Variants in PTPRD observed in about 807,000 individuals in gnomAD.
PTPRD encodes the protein receptor-type tyrosine-protein phosphatase delta.
In PTPRD, 34 loss-of-function variants were observed where a neutral mutation model predicts 214.5. The ratio of observed to expected loss-of-function variants is 0.16; its 90% CI spans 0.12 to 0.21. The LOEUF (loss-of-function observed/expected upper bound fraction) is 0.21. Among genes scored for constraint, PTPRD ranks in the 10% least tolerant of loss-of-function variants. PTPRD has a pLI of 1.00. For missense variants in PTPRD, 2,545 were observed against 2,398.7 expected, an observed-to-expected ratio of 1.06 and a Z score of -1.27; for synonymous variants, 1,128 against 845.7, an observed-to-expected ratio of 1.33 and a Z score of -5.79.
chr9:8,441,685 T>A (rs187381909), intron 34 of PTPRD, among the ~76,000 whole-genome samples: 29 of 152,232 alleles, frequency 1.9e-4, no homozygotes, highest in Admixed American at 4.6e-4. Context: ...TATAAAGAAG[T>A]ATGCTTCTTG....
intron 6 of PTPRD, among the ~76,000 whole-genome samples, chr9:9,740,982 A>G (rs1392495414): frequency 6.6e-6 from 1 of 152,198 alleles, no homozygotes; most frequent in African/African-American, 2.4e-5. Context: ...ATTGGAAACT[A>G]GAATTTCAGA....
chr9:10,050,335 T>C (rs2097506426), intron 3 of PTPRD, among the ~76,000 whole-genome samples: 1 of 151,400 alleles, frequency 6.6e-6, no homozygotes, highest in Non-Finnish European at 1.5e-5. Context: ...TGAGGAGGGC[T>C]GATCACAAGG....
intron 10 of PTPRD, among the ~76,000 whole-genome samples, chr9:9,120,945 T>C (rs143415496): frequency 1.9e-3 from 290 of 152,324 alleles, no homozygotes; most frequent in African/African-American, 6.6e-3. Context: ...TGCTAAGCAA[T>C]ACACTAATCA....
chr9:9,132,656 A>T (rs1020411320), intron 10 of PTPRD, among the ~76,000 whole-genome samples: 2 of 152,300 alleles, frequency 1.3e-5, no homozygotes, highest in African/African-American at 4.8e-5. Flanking sequence ...AATTAAAAGG[A>T]TGTTTGATTT....
rs190968680 is a variant in PTPRD at position 9,593,263 on chromosome 9, T to C, written c.-286-18482A>G. Among the ~76,000 whole-genome samples, 4 of 151,290 alleles carry C rather than the reference T, an allele frequency of 2.6e-5. No individual in the cohort carries two copies. The East Asian group carries it at 7.8e-4, about 30-fold the overall frequency. On this transcript the variant is annotated intron_variant, in intron 7 of 45. Coordinates refer to ENST00000381196, the MANE Select transcript of PTPRD (RefSeq NM_002839.4). ...GGGGATTTCTTGTACTGTGGATAGGTAGGATTGTCCACACTATTTTTTATG... is the reference window on the plus strand; with the variant it reads ...GGGGATTTCTTGTACTGTGGATAGGCAGGATTGTCCACACTATTTTTTATG...
intron 8 of PTPRD, among the ~76,000 whole-genome samples, chr9:9,444,706 T>C (rs1478861848): frequency 2.6e-5 from 4 of 152,164 alleles, no homozygotes; most frequent in African/African-American, 9.6e-5. Flanking sequence ...CTTTTCCCTT[T>C]CTTCATACTA....
chr9:10,042,359 C>T (rs548416096), intron 3 of PTPRD, among the ~76,000 whole-genome samples: 3 of 151,898 alleles, frequency 2.0e-5, no homozygotes, highest in Non-Finnish European at 4.4e-5. Flanking sequence ...CTATTAAATG[C>T]AATCTATTAA....
At chr9:9,564,692 G>A (rs940846221) in intron 8 of PTPRD, among the ~76,000 whole-genome samples, 2 of 151,840 alleles carry the variant, frequency 1.3e-5, no homozygotes, top group Non-Finnish European at 2.9e-5. Context: ...ATTATATTTA[G>A]GAACTCCTGT....
intron 30 of PTPRD, among the ~76,000 whole-genome samples, chr9:8,477,093 A>G (rs10977148): frequency 6.6e-6 from 1 of 152,058 alleles, no homozygotes; most frequent in South Asian, 2.1e-4. Flanking sequence ...CAACCAAATC[A>G]TATGAGCTGA....
At chr9:9,096,509 T>C (rs2099783701) in intron 10 of PTPRD, among the ~76,000 whole-genome samples, 1 of 152,180 alleles carries the variant, frequency 6.6e-6, no homozygotes, top group South Asian at 2.1e-4. Context: ...CTTTTTACAA[T>C]TAGATGTTAA....
chr9:8,554,857 A>AT (rs1223326554), intron 14 of PTPRD, among the ~76,000 whole-genome samples: 3 of 152,122 alleles, frequency 2.0e-5, no homozygotes, highest in African/African-American at 7.2e-5. Flanking sequence ...GCTTTCTATC[A>AT]TTTTTACGGG....
rs1262601829 is a variant in PTPRD at position 10,408,570 on chromosome 9, G to T, written c.-599-67553C>A. Among the ~76,000 whole-genome samples the T allele has an allele frequency of 1.5e-4, 23 of 151,726 alleles. No individual in the cohort carries two copies. In the Admixed American group the frequency reaches 1.5e-3, roughly 10 times the overall value. On this transcript the variant is annotated intron_variant, in intron 2 of 45. Transcript: ENST00000381196. ...TTTTATCACCCCTGCTTAATCTAATGTGGACCTCTAGAATTGCATTTCTAG... is the reference window on the plus strand; with the variant it reads ...TTTTATCACCCCTGCTTAATCTAATTTGGACCTCTAGAATTGCATTTCTAG...
intron 14 of PTPRD, among the ~76,000 whole-genome samples, chr9:8,540,300 G>T (rs2078069602): frequency 6.6e-6 from 1 of 151,856 alleles, no homozygotes; most frequent in Admixed American, 6.6e-5. Context: ...TTTATTTGAG[G>T]CCCTCTTGAA....
chr9:8,396,072 A>G (rs1046152069), intron 36 of PTPRD, among the ~76,000 whole-genome samples: 1 of 152,252 alleles, frequency 6.6e-6, no homozygotes, highest in South Asian at 2.1e-4. Context: ...GTAGTCAACA[A>G]TCAAGCATGA....
At chr9:8,612,403 G>T (rs1595246227) in intron 14 of PTPRD, among the ~76,000 whole-genome samples, 1 of 152,168 alleles carries the variant, frequency 6.6e-6, no homozygotes, top group African/African-American at 2.4e-5. Flanking sequence ...GGATACAACT[G>T]GCAGCTGTAC....
At chr9:9,083,212 C>A (rs1457933586) in intron 10 of PTPRD, among the ~76,000 whole-genome samples, 2 of 152,088 alleles carry the variant, frequency 1.3e-5, no homozygotes, top group Admixed American at 6.6e-5. Flanking sequence ...ATATATAGAA[C>A]AATGGAACAG....
At chr9:9,139,962 G>A (rs73641222) in intron 10 of PTPRD, among the ~76,000 whole-genome samples, 8 of 152,082 alleles carry the variant, frequency 5.3e-5, no homozygotes, top group Admixed American at 2.0e-4. Flanking sequence ...CATTCATTAC[G>A]GAAATGGTGG....
intron 3 of PTPRD, among the ~76,000 whole-genome samples, chr9:10,237,518 TG>T (rs1050770435): frequency 2.6e-5 from 4 of 151,952 alleles, no homozygotes; most frequent in South Asian, 2.1e-4. Context: ...ACTGCTTATT[TG>T]TTTAAAAATT....
intron 11 of PTPRD, among the ~76,000 whole-genome samples, chr9:8,760,236 C>T (rs2094325285): frequency 6.6e-6 from 1 of 151,890 alleles, no homozygotes; most frequent in East Asian, 1.9e-4. Context: ...GAAGCTTAGT[C>T]AGAATTTTAA....
Sources: allele counts gnomAD v4.1 joint callset (sites outside exome capture counted in the v4.1 genomes callset), GRCh38; gene constraint gnomAD v4.1.1; transcripts MANE v1.5; gene names NCBI Gene and HGNC (gene_info 2026-07-23, HGNC 2026-07-21).